MCTP1: variants seen among roughly 807,000 people sequenced by gnomAD.
The protein encoded by MCTP1 is multiple C2 and transmembrane domain-containing protein 1.
A neutral mutation model predicts 120.6 loss-of-function variants in MCTP1; 69 were observed. The ratio of observed to expected loss-of-function variants is 0.57; its 90% CI spans 0.47 to 0.70. The LOEUF is 0.70. Among genes scored for constraint, MCTP1 ranks in the 30% least tolerant of loss-of-function variants. MCTP1 has a pLI of 0.00. For missense variants in MCTP1, 1,203 were observed against 1,248.8 expected, an observed-to-expected ratio of 0.96 and a Z score of 0.55; for synonymous variants, 529 against 493.1, an observed-to-expected ratio of 1.07 and a Z score of -0.96.
intron 19 of MCTP1, among the ~76,000 whole-genome samples, chr5:94,750,915 A>G (rs1485291497): frequency 1.3e-5 from 2 of 152,202 alleles, no homozygotes; most frequent in African/African-American, 4.8e-5. Flanking sequence ...AAGTCTTTCC[A>G]AAAGGACTGG....
At chr5:95,184,157 A>C (rs1041112878) in intron 1 of MCTP1, among the ~76,000 whole-genome samples, 1 of 152,100 alleles carries the variant, frequency 6.6e-6, no homozygotes, top group African/African-American at 2.4e-5. Context: ...AAAGTATAAT[A>C]ATAATAATAA....
chr5:94,777,539 G>A (rs916523428), intron 19 of MCTP1, among the ~76,000 whole-genome samples: 4 of 152,070 alleles, frequency 2.6e-5, no homozygotes, highest in African/African-American at 7.2e-5. Flanking sequence ...CATTTCTGGG[G>A]AAATGCCTGC....
chr5:94,931,700 T>C (rs540487480), intron 6 of MCTP1: 96 of 436,472 alleles, frequency 2.2e-4, no homozygotes, highest in Middle Eastern at 5.9e-4. Flanking sequence ...CTGTTGCATA[T>C]ATAGTTGAGA....
intron 19 of MCTP1, among the ~76,000 whole-genome samples, chr5:94,752,108 AATATATATATATATAT>A (rs146434254): frequency 0.021 from 1,616 of 75,792 alleles, 201 homozygotes; most frequent in Admixed American, 0.13. Context: ...TAAATAATAA[AATATATATATATATAT>A]ATATATATAT....
At chr5:95,167,528 G>A (rs533599330) in intron 1 of MCTP1, among the ~76,000 whole-genome samples, 2 of 152,312 alleles carry the variant, frequency 1.3e-5, no homozygotes, top group African/African-American at 4.8e-5. Context: ...CCCACCAACA[G>A]TGTAAAAGTG....
intron 1 of MCTP1, among the ~76,000 whole-genome samples, chr5:95,028,598 C>T (rs1203734861): frequency 6.6e-6 from 1 of 152,152 alleles, no homozygotes; most frequent in Non-Finnish European, 1.5e-5. Context: ...TCACTAATAA[C>T]CTTTCCGCCT....
intron 1 of MCTP1, among the ~76,000 whole-genome samples, chr5:95,096,039 G>A (rs952605269): frequency 6.6e-6 from 1 of 152,138 alleles, no homozygotes; most frequent in African/African-American, 2.4e-5. Context: ...CTAAGCTAAC[G>A]CAATGACAAT....
chr5:95,167,919 TTTGG>T (rs776203813), intron 1 of MCTP1, among the ~76,000 whole-genome samples: 1 of 152,012 alleles, frequency 6.6e-6, no homozygotes, highest in Non-Finnish European at 1.5e-5. Context: ...ATTTGTCAAT[TTTGG>T]CTTTTGTTGC....
intron 12 of MCTP1, among the ~76,000 whole-genome samples, chr5:94,884,605 C>G (rs1800834807): frequency 1.7e-5 from 2 of 118,106 alleles, no homozygotes; most frequent in South Asian, 5.2e-4. Context: ...GTCTGTGACA[C>G]AGCAAGTTGG....
At chr5:95,114,184 G>A (rs962917611) in intron 1 of MCTP1, among the ~76,000 whole-genome samples, 1 of 152,346 alleles carries the variant, frequency 6.6e-6, no homozygotes, top group South Asian at 2.1e-4. Flanking sequence ...GTTATTAGCT[G>A]TCTTCAGGTG....
At chr5:94,983,030 G>C (rs1021131835) in intron 2 of MCTP1, among the ~76,000 whole-genome samples, 2 of 151,810 alleles carry the variant, frequency 1.3e-5, no homozygotes, top group Non-Finnish European at 1.5e-5. Context: ...ACATGCTACT[G>C]CTGTCTTGAA....
chr5:94,892,793 C>A (rs909509453), intron 11 of MCTP1, among the ~76,000 whole-genome samples: 1 of 152,154 alleles, frequency 6.6e-6, no homozygotes, highest in Non-Finnish European at 1.5e-5. Flanking sequence ...CTCCAAACAA[C>A]CTCCATTATA....
chr5:94,814,963 G>T (rs902316898), intron 17 of MCTP1, among the ~76,000 whole-genome samples: 1 of 151,984 alleles, frequency 6.6e-6, no homozygotes, highest in Non-Finnish European at 1.5e-5. Context: ...GATGTCTGTC[G>T]CCAAGTTACC....
At chr5:95,081,998 T>TAA in intron 1 of MCTP1, 4 of 199,352 alleles carry the variant, frequency 2.0e-5, no homozygotes, top group Non-Finnish European at 2.6e-5. Flanking sequence ...GAAAGACATC[T>TAA]AAAAAAAAAA....
chr5:94,969,372 G>T (rs1301204350), intron 2 of MCTP1, among the ~76,000 whole-genome samples: 1 of 152,052 alleles, frequency 6.6e-6, no homozygotes, highest in Non-Finnish European at 1.5e-5. Flanking sequence ...TAGTATTAAA[G>T]ATATTTAAAA....
chr5:94,979,473 C>T (rs181414793), intron 2 of MCTP1: 4 of 152,136 alleles, frequency 2.6e-5, no homozygotes, highest in African/African-American at 9.6e-5. Flanking sequence ...AAGAGTGAAA[C>T]ATATTTGGTG....
Position 94,707,383 on chromosome 5 carries a change from G to T in MCTP1, c.*113C>A. The T allele has an allele frequency of 2.6e-6, 2 of 781,982 alleles. No individual in the cohort carries two copies. The highest frequency in any genetic ancestry group is 2.5e-5 in the East Asian group (1 of 39,230). The allele number at this position is 781,982 out of a possible 1,614,324, so 48.4% of individuals were successfully genotyped here. ...ACTATTTACAGATTCTCTCGATCAT[G>T]ATAAAAAGGCAAAATAAATAAAAAG... On this transcript the variant is annotated 3_prime_UTR_variant, in exon 23 of 23. Coordinates refer to ENST00000515393, the MANE Select transcript of MCTP1 (RefSeq NM_024717.7).
At chr5:95,221,814 C>G (rs940001875) in intron 1 of MCTP1, among the ~76,000 whole-genome samples, 9 of 152,248 alleles carry the variant, frequency 5.9e-5, no homozygotes, top group African/African-American at 2.2e-4. Context: ...CCCGTTCTTA[C>G]CCAACCAAAT....
In MCTP1 at chr5:94,799,097, G is replaced by GT; in HGVS notation, c.2471dup (p.Tyr824Ter). ...GTAACAACAAAACCAGTGGTATCATGTAGAGCTCAAAGTTCCAGACAACAA... is the reference window on the plus strand; with the variant it reads ...GTAACAACAAAACCAGTGGTATCATGTTAGAGCTCAAAGTTCCAGACAACAA... ...FLFVVWNFEL[Y>*]MIPLVLLLLL... The change falls in exon 18 of 23, where the codon TAC (tyrosine) becomes TAAC (stop). Residue 824 changes from tyrosine to a stop codon, truncating the protein, a stop_gained and frameshift_variant. Transcript: ENST00000515393. LOFTEE classifies it high-confidence loss of function. 6.2e-7 allele frequency: 1 copy of GT among 1,612,042 alleles called. No homozygotes were observed. The highest frequency in any genetic ancestry group is 8.5e-7 in the Non-Finnish European group (1 of 1,178,598).
Sources: allele counts gnomAD v4.1 joint callset (sites outside exome capture counted in the v4.1 genomes callset), GRCh38; gene constraint gnomAD v4.1.1; transcripts MANE v1.5; gene names NCBI Gene and HGNC (gene_info 2026-07-23, HGNC 2026-07-21).